Variants in RPS6KA2 observed in about 807,000 individuals in gnomAD.
RPS6KA2 encodes ribosomal protein S6 kinase A2.
A neutral mutation model predicts 91.8 loss-of-function variants in RPS6KA2; 42 were observed. The ratio of observed to expected loss-of-function variants is 0.46; its 90% confidence interval spans 0.36 to 0.59. The LOEUF is 0.59. Among genes scored for constraint, RPS6KA2 ranks in the 20% least tolerant of loss-of-function variants. The probability of loss-of-function intolerance (pLI) is 0.00; values close to 1 mark genes in which losing one functional copy is unlikely to be tolerated. For synonymous variants in RPS6KA2, 414 were observed against 393.6 expected (o/e 1.05, Z -0.61); for missense variants, 798 against 978.5 (o/e 0.82, Z 2.46).
chr6:166,665,130 A>G lies in RPS6KA2; in HGVS notation c.124-126346T>C, dbSNP rs568706156. Among the ~76,000 whole-genome samples, 1 of 152,106 alleles carries G rather than the reference A, an allele frequency of 6.6e-6. No individual in the cohort carries two copies. The highest frequency in any genetic ancestry group is 2.1e-4 in the South Asian group (1 of 4,824). ...GGTGGCGTGTAGCCTTCAGTCTCAT[A>G]GCTGTCAGGGTGTTCAAGTTCTGCC... On this transcript the variant is annotated intron_variant, in intron 2 of 21. Transcript: ENST00000503859. This position sits in a 1 kb window ranked among gnomAD's most constrained non-coding sequence, Gnocchi z 4.5.
chr6:166,495,244 C>T lies in RPS6KA2; in HGVS notation c.747+3264G>A, dbSNP rs1368552893. Among the ~76,000 whole-genome samples, 1 of 151,980 alleles carries T rather than the reference C, an allele frequency of 6.6e-6. No individual in the cohort carries two copies. The highest frequency in any genetic ancestry group is 1.5e-5 in the Non-Finnish European group (1 of 68,038). On this transcript the variant is annotated intron_variant, in intron 8 of 20. Transcript: ENST00000265678. The surrounding 1 kb of genome is among the most constrained non-coding windows in gnomAD (Gnocchi z 4.4). The stretch of plus-strand genomic sequence containing the variant: ...GGTTGAGATCAAATGTGAAGATGGC[C>T]AGGCAGCCTTAGCTTGTGGTCACCA...
intron 2 of RPS6KA2, among the ~76,000 whole-genome samples, chr6:166,772,979 T>A (rs1778517184): frequency 6.6e-6 from 1 of 152,128 alleles, no homozygotes; most frequent in Non-Finnish European, 1.5e-5. Flanking sequence ...AGCCACGCTA[T>A]CCCTCCCACC....
At chr6:166,828,769 T>C (rs1024007265) in intron 2 of RPS6KA2, among the ~76,000 whole-genome samples, 3 of 152,194 alleles carry the variant, frequency 2.0e-5, no homozygotes, top group African/African-American at 7.2e-5. Context: ...GATCGGGTAA[T>C]GATTTCTTGG....
At chr6:166,684,011 C>T (rs560634255) in intron 2 of RPS6KA2, among the ~76,000 whole-genome samples, 5 of 152,306 alleles carry the variant, frequency 3.3e-5, no homozygotes, top group South Asian at 4.1e-4. Context: ...ATCCCAGACA[C>T]GCTCTTGTAG....
chr6:166,815,119 A>G (rs1334470498), intron 2 of RPS6KA2, among the ~76,000 whole-genome samples: 1 of 152,244 alleles, frequency 6.6e-6, no homozygotes, highest in Non-Finnish European at 1.5e-5. Flanking sequence ...GAGATACTCT[A>G]AGGGAAGTTC....
chr6:166,600,523 C>T (rs1307071579), intron 1 of RPS6KA2, among the ~76,000 whole-genome samples: 1 of 152,244 alleles, frequency 6.6e-6, no homozygotes, highest in East Asian at 1.9e-4. Context: ...GACACACTGT[C>T]TTGGGAATTT....
chr6:166,413,645 C>T lies in RPS6KA2; in HGVS notation c.2076+149G>A, dbSNP rs1178002659. On this transcript the variant is annotated intron_variant, in intron 20 of 20. Coordinates refer to ENST00000265678, the MANE Select transcript of RPS6KA2 (RefSeq NM_021135.6). Reference sequence around the variant, plus strand: ...TACTGCACGTGTCTGGTGAAGTGCACGAAGGTAGGTGGGCCGGCGGTGCAG... The same window carrying T: ...TACTGCACGTGTCTGGTGAAGTGCATGAAGGTAGGTGGGCCGGCGGTGCAG... 5.4e-5 allele frequency: 39 copies of T among 727,426 alleles called. No homozygotes were observed. In the East Asian group the frequency reaches 9.6e-4, roughly 18 times the overall value. 45.1% of individuals were successfully genotyped at this position (727,426 alleles called of 1,614,324 possible). A position where few individuals can be genotyped will look rare whatever the true frequency, so the allele number is the denominator to read the frequency against.
chr6:166,625,782 ATG>A (rs1179331559), intron 1 of RPS6KA2, among the ~76,000 whole-genome samples: 1 of 152,126 alleles, frequency 6.6e-6, no homozygotes, highest in Non-Finnish European at 1.5e-5. Context: ...TGTTTGAAAG[ATG>A]TGTTTTACCC....
intron 2 of RPS6KA2, among the ~76,000 whole-genome samples, chr6:166,649,420 G>C (rs1231387335): frequency 1.3e-5 from 2 of 152,082 alleles, no homozygotes; most frequent in African/African-American, 4.8e-5. Flanking sequence ...ATCTGTTTCC[G>C]GGTCATCCTC....
intron 2 of RPS6KA2, among the ~76,000 whole-genome samples, chr6:166,762,380 G>C (rs1778197693): frequency 6.6e-6 from 1 of 152,162 alleles, no homozygotes; most frequent in Admixed American, 6.5e-5. Flanking sequence ...GTGTTTGTAT[G>C]TCTATGCGCA....
intron 2 of RPS6KA2, among the ~76,000 whole-genome samples, chr6:166,661,129 C>T (rs1582996175): frequency 7.7e-6 from 1 of 129,804 alleles, no homozygotes; most frequent in East Asian, 2.4e-4. Context: ...GAGACAGGCT[C>T]TCGCTCTGTC....
intron 2 of RPS6KA2, among the ~76,000 whole-genome samples, chr6:166,819,255 T>C (rs1050931992): frequency 2.0e-5 from 3 of 152,220 alleles, no homozygotes; most frequent in Admixed American, 6.5e-5. Flanking sequence ...TTTTGTTTTG[T>C]TTTTACAAGG....
rs984919866 is a variant in RPS6KA2 at position 166,533,478 on chromosome 6, C to T, written c.217-2165G>A. On this transcript the variant is annotated intron_variant, in intron 2 of 20. Coordinates refer to ENST00000265678, the MANE Select transcript of RPS6KA2 (RefSeq NM_021135.6). The surrounding 1 kb of genome is among the most constrained non-coding windows in gnomAD (Gnocchi z 4.0). The stretch of plus-strand genomic sequence containing the variant: ...GGGACAGTTGTGTTTGTGGCAGGGA[C>T]GCCACATTTCCCCGGCATCCTGCAG... 2.6e-5 allele frequency among the ~76,000 whole-genome samples: 4 copies of T among 152,208 alleles called. No individual in the cohort carries two copies. The highest frequency in any genetic ancestry group is 4.1e-4 in the South Asian group (2 of 4,834).
chr6:166,483,845 T>C (rs1781319926), intron 10 of RPS6KA2, among the ~76,000 whole-genome samples: 1 of 152,244 alleles, frequency 6.6e-6, no homozygotes, highest in South Asian at 2.1e-4. Flanking sequence ...CAGAAAATGA[T>C]GAACACAATT....
chr6:166,688,914 G>A (rs541828296), intron 2 of RPS6KA2, among the ~76,000 whole-genome samples: 7 of 152,234 alleles, frequency 4.6e-5, no homozygotes, highest in Admixed American at 6.5e-5. Flanking sequence ...ATGCAACAAA[G>A]TTAGAATGCC....
chr6:166,433,808 A>T lies in RPS6KA2; in HGVS notation c.1333-1318T>A, dbSNP rs1365043617. On this transcript the variant is annotated intron_variant, in intron 14 of 20. Transcript: ENST00000265678. The surrounding 1 kb of genome is among the most constrained non-coding windows in gnomAD (Gnocchi z 4.4). ...CTCACTCTGTTGCCTAGGTTGGAATACAGTGGTACAAGCATAGTTCACTGC... is the reference window on the plus strand; with the variant it reads ...CTCACTCTGTTGCCTAGGTTGGAATTCAGTGGTACAAGCATAGTTCACTGC... Among the ~76,000 whole-genome samples the T allele has an allele frequency of 6.6e-6, 1 of 152,176 alleles. No homozygotes were observed. The highest frequency in any genetic ancestry group is 2.4e-5 in the African/African-American group (1 of 41,450).
rs146166636 is a variant in RPS6KA2, at chr6:166,436,224, T to A, written c.1333-3734A>T. 7.3e-3 allele frequency among the ~76,000 whole-genome samples: 1,109 copies of A among 152,002 alleles called. 27 individuals are homozygous for A. The highest frequency in any genetic ancestry group is 0.039 in the Admixed American group (600 of 15,262). On this transcript the variant is annotated intron_variant, in intron 14 of 20. Coordinates refer to ENST00000265678, the MANE Select transcript of RPS6KA2 (RefSeq NM_021135.6). ...AGCCCTGAAATGCTGCTTTCGGTCCTGTCTGAATCCTCACTGCGAGTCCGT... is the reference window on the plus strand; with the variant it reads ...AGCCCTGAAATGCTGCTTTCGGTCCAGTCTGAATCCTCACTGCGAGTCCGT...
intron 3 of RPS6KA2, among the ~76,000 whole-genome samples, chr6:166,520,474 T>C (rs547438964): frequency 2.6e-4 from 39 of 152,336 alleles, no homozygotes; most frequent in African/African-American, 8.9e-4. Flanking sequence ...TCAGCCTTCA[T>C]ACCCATGTGA....
At chr6:166,661,455 T>C (rs1277063092) in intron 2 of RPS6KA2, among the ~76,000 whole-genome samples, 4 of 152,240 alleles carry the variant, frequency 2.6e-5, no homozygotes, top group African/African-American at 9.6e-5. Flanking sequence ...ATGTTTAAAA[T>C]ATTTGATGGC....
Sources: allele counts gnomAD v4.1 joint callset (sites outside exome capture counted in the v4.1 genomes callset), GRCh38; gene constraint gnomAD v4.1.1; non-coding constraint Gnocchi (gnomAD v3.1); transcripts MANE v1.5; gene names NCBI Gene and HGNC (gene_info 2026-07-23, HGNC 2026-07-21).